The following SLC25A48 variants were observed in gnomAD, a reference collection of about 807,000 sequenced individuals.
The protein encoded by SLC25A48 is CTC-321K16.1.
SLC25A48 carries 29 observed loss-of-function variants against 32.2 expected under a neutral mutation model. The observed-to-expected ratio is 0.90, with a 90% CI of 0.67 to 1.23. SLC25A48 has a LOEUF of 1.23. Ranked by LOEUF, SLC25A48 falls within the 50% of genes most tolerant of loss-of-function variation. The pLI, the probability that SLC25A48 is intolerant of heterozygous loss-of-function variation, is 0.00. For missense variants in SLC25A48, 399 were observed against 422.7 expected (o/e 0.94, Z 0.49); for synonymous variants, 164 against 172.3 (o/e 0.95, Z 0.38).
At chr5:135,670,409 C>T (rs978995853) in intron 3 of SLC25A48, among the ~76,000 whole-genome samples, 2 of 152,160 alleles carry the variant, frequency 1.3e-5, no homozygotes, top group African/African-American at 4.8e-5. Context: ...TCTAGGGCTC[C>T]CTGCTGTAGT....
At chr5:135,785,523 A>G (rs1403146820) in intron 3 of SLC25A48, among the ~76,000 whole-genome samples, 4 of 129,384 alleles carry the variant, frequency 3.1e-5, no homozygotes, top group Non-Finnish European at 3.3e-5. Flanking sequence ...AGGGTGTGGA[A>G]CACCCCCTTG....
intron 3 of SLC25A48, among the ~76,000 whole-genome samples, chr5:135,639,479 A>G (rs1306112309): frequency 6.6e-6 from 1 of 152,222 alleles, no homozygotes; most frequent in Non-Finnish European, 1.5e-5. Context: ...AAATTTAAAT[A>G]GGAGTCCTCG....
chr5:135,770,138 C>T (rs1236992463), intron 3 of SLC25A48, among the ~76,000 whole-genome samples: 1 of 151,414 alleles, frequency 6.6e-6, no homozygotes, highest in Non-Finnish European at 1.5e-5. Flanking sequence ...GTTCACCCAC[C>T]CTGTAACATT....
At chr5:135,720,222 T>C (rs1182954256) in intron 3 of SLC25A48, among the ~76,000 whole-genome samples, 1 of 152,264 alleles carries the variant, frequency 6.6e-6, no homozygotes, top group African/African-American at 2.4e-5. Flanking sequence ...AGACCCATTC[T>C]TGGGTCCAGG....
At chr5:135,679,532 T>C in intron 3 of SLC25A48, among the ~76,000 whole-genome samples, 1 of 152,182 alleles carries the variant, frequency 6.6e-6, no homozygotes, top group East Asian at 1.9e-4. Context: ...TGCACTTTGC[T>C]TACACTTCAG....
At chr5:135,862,888 G>A (rs1024097116) in intron 4 of SLC25A48, among the ~76,000 whole-genome samples, 3 of 152,178 alleles carry the variant, frequency 2.0e-5, no homozygotes, top group African/African-American at 7.2e-5. Flanking sequence ...TCTTCGCTGA[G>A]GATAGGCTTA....
intron 3 of SLC25A48, among the ~76,000 whole-genome samples, chr5:135,693,032 A>T (rs552127141): frequency 2.6e-5 from 4 of 152,228 alleles, no homozygotes; most frequent in Non-Finnish European, 5.9e-5. Context: ...TTAAATTTCA[A>T]AAGTGTTTGT....
chr5:135,884,052 G>A (rs140414712), intron 7 of SLC25A48, among the ~76,000 whole-genome samples: 3 of 152,146 alleles, frequency 2.0e-5, no homozygotes, highest in South Asian at 2.1e-4. Context: ...ACCACCAGCC[G>A]TGCAGAACTG....
intron 3 of SLC25A48, among the ~76,000 whole-genome samples, chr5:135,760,475 G>A (rs1756036528): frequency 6.6e-6 from 1 of 152,198 alleles, no homozygotes; most frequent in African/African-American, 2.4e-5. Flanking sequence ...GGGCTGCTGT[G>A]GAGGGGAAGG....
rs1439556724 is a variant in SLC25A48 at position 135,874,035 on chromosome 5, G to C, written c.694G>C (p.Gly232Arg). Residue 232 changes from glycine to arginine, a missense_variant, in exon 6 of 8, where the codon GGG (glycine) becomes CGG (arginine). Coordinates refer to ENST00000681962, the MANE Select transcript of SLC25A48 (RefSeq NM_001349336.2). ...AGGMAGAISW[G>R]TATPMDVVKS... ...TCTCTTTGCAGGAGCAATTTCTTGG[G>C]GGACAGCGACTCCTATGGATGTCGT... 1 of 1,532,674 alleles carries C rather than the reference G, an allele frequency of 6.5e-7. No homozygotes were observed. Among genetic ancestry groups the C allele is most frequent in the Non-Finnish European group, 8.7e-7 (1 of 1,145,730 alleles). 94.9% of individuals were successfully genotyped at this position (1,532,674 alleles called of 1,614,324 possible).
At chr5:135,878,458 G>A (rs189403225) in intron 6 of SLC25A48, among the ~76,000 whole-genome samples, 45 of 152,306 alleles carry the variant, frequency 3.0e-4, no homozygotes, top group African/African-American at 1.1e-3. Context: ...AATATTACCA[G>A]GATCTCACTT....
intron 3 of SLC25A48, among the ~76,000 whole-genome samples, chr5:135,646,176 G>A (rs759539782): frequency 6.6e-6 from 1 of 152,116 alleles, no homozygotes; most frequent in African/African-American, 2.4e-5. Flanking sequence ...TTAATTTCCC[G>A]CTGGAAGGAT....
intron 3 of SLC25A48, among the ~76,000 whole-genome samples, chr5:135,732,488 G>C (rs1006842868): frequency 1.3e-5 from 2 of 152,156 alleles, no homozygotes; most frequent in African/African-American, 4.8e-5. Flanking sequence ...TGCCAGTCCT[G>C]GGCAGGGGCA....
At chr5:135,731,356 T>C (rs1755217267) in intron 3 of SLC25A48, among the ~76,000 whole-genome samples, 1 of 152,222 alleles carries the variant, frequency 6.6e-6, no homozygotes, top group African/African-American at 2.4e-5. Context: ...GGGGATATGA[T>C]GGCTTAGCTT....
intron 3 of SLC25A48, among the ~76,000 whole-genome samples, chr5:135,811,160 C>G (rs1757582378): frequency 6.6e-6 from 1 of 152,142 alleles, no homozygotes; most frequent in Admixed American, 6.5e-5. Flanking sequence ...CCATGAAATG[C>G]AAGGAGCGGA....
chr5:135,809,580 G>C (rs934139668), intron 3 of SLC25A48, among the ~76,000 whole-genome samples: 6 of 152,120 alleles, frequency 3.9e-5, no homozygotes, highest in African/African-American at 1.2e-4. Flanking sequence ...ACACAATTAA[G>C]ATCTAGAACA....
rs1756772544 is a variant in SLC25A48 at position 135,783,665 on chromosome 5, A to G, written c.-520-28858A>G. Among the ~76,000 whole-genome samples the G allele has an allele frequency of 3.4e-5, 4 of 117,170 alleles. 1 individual carries two copies. Among genetic ancestry groups the G allele is most frequent in the Admixed American group, 8.7e-5 (1 of 11,554 alleles). The allele number at this position is 117,170 out of a possible 152,430, so 76.9% of individuals were successfully genotyped here. ...TGATATTGTTCCTAATATCCACTAA[A>G]AAGAGAGGCAGATATTACTCCCAAT... On this transcript the variant is annotated intron_variant, in intron 3 of 10. Coordinates refer to the SLC25A48 transcript ENST00000646290.
chr5:135,765,286 TTC>T (rs1756181019), intron 3 of SLC25A48, among the ~76,000 whole-genome samples: 1 of 151,340 alleles, frequency 6.6e-6, no homozygotes, highest in South Asian at 2.1e-4. Flanking sequence ...ATTTGTGATA[TTC>T]AGGGGTAAGA....
At chr5:135,837,072 T>A (rs1758598599) in intron 1 of SLC25A48, among the ~76,000 whole-genome samples, 1 of 148,378 alleles carries the variant, frequency 6.7e-6, no homozygotes, top group Non-Finnish European at 1.5e-5. Context: ...TTTTTTTAAA[T>A]CTCAAATCCC....
Sources: gnomAD v4.1 joint callset for allele counts (sites outside exome capture counted in the v4.1 genomes callset) on GRCh38, gnomAD v4.1.1 for gene constraint, MANE v1.5 for transcripts, NCBI Gene and HGNC (gene_info 2026-07-23, HGNC 2026-07-21) for gene names.